The following NLGN3 variants were observed in gnomAD, a reference collection of about 807,000 sequenced individuals.
NLGN3 encodes neuroligin 3.
In NLGN3, 11 loss-of-function variants were observed where a neutral mutation model predicts 42.9. The ratio of observed to expected loss-of-function variants is 0.26; its 90% CI spans 0.16 to 0.42. The LOEUF (loss-of-function observed/expected upper bound fraction) is 0.42. Ranked by LOEUF, NLGN3 falls within the 10% of genes least tolerant of loss-of-function variation. The pLI is 1.00. For missense variants in NLGN3, 374 were observed against 733.8 expected (o/e 0.51, Z 5.67); for synonymous variants, 279 against 312.7 (o/e 0.89, Z 1.14).
chrX:71,158,760 T>C (rs1407726907), intron 5 of NLGN3, among the ~76,000 whole-genome samples: 1 of 111,337 alleles, frequency 9.0e-6, no homozygotes, highest in Non-Finnish European at 1.9e-5. Context: ...AGACTCGGCA[T>C]TTCACGTAGG....
At chrX:71,168,822 AAAG>A (rs1433536549) in intron 7 of NLGN3, among the ~76,000 whole-genome samples, 5 of 12,933 alleles carry the variant, frequency 3.9e-4, no homozygotes, top group East Asian at 2.4e-3. Flanking sequence ...GAGAAAAAAA[AAAG>A]AAAGAAAGAA....
chrX:71,171,592 T>TG (rs2092471456), downstream of NLGN3: 1 of 599,858 alleles, frequency 1.7e-6, no homozygotes, highest in Non-Finnish European at 2.0e-6. Context: ...CACCTTGGAC[T>TG]GGGGGCTGGG....
chrX:71,166,860 C>T (rs1019412401), intron 6 of NLGN3, 151 bp from the exon 7 acceptor site: 4 of 515,116 alleles, frequency 7.8e-6, no homozygotes, highest in African/African-American at 4.6e-5. Context: ...AGCAACCCCT[C>T]CTTTGGCCCT....
intron 3 of NLGN3, among the ~76,000 whole-genome samples, chrX:71,149,783 T>G (rs1234464539): frequency 2.5e-4 from 28 of 110,859 alleles, no homozygotes; most frequent in Non-Finnish European, 9.4e-5. Context: ...TTCTTTCCAC[T>G]GTAGCACACA....
chrX:71,157,496 G>C (rs770343712), intron 5 of NLGN3, among the ~76,000 whole-genome samples: 43 of 109,260 alleles, frequency 3.9e-4, no homozygotes, highest in Non-Finnish European at 7.6e-4. Context: ...GCTAATTTTT[G>C]TATTTTTAGT....
chrX:71,170,609 C>T lies in NLGN3; in HGVS notation c.*512C>T. On this transcript the variant is annotated 3_prime_UTR_variant, in exon 8 of 8. Transcript: ENST00000358741. ...AATTTTGGAACAAATGCTTTTCCAA[C>T]CCATGAGTGCTAAGAGCCTCTGGAA... 1 of 788,903 alleles carries T rather than the reference C, an allele frequency of 1.3e-6. No individual in the cohort carries two copies. The highest frequency in any genetic ancestry group is 1.5e-6 in the Non-Finnish European group (1 of 660,892). 65.0% of individuals were successfully genotyped at this position (788,903 alleles called of 1,213,427 possible).
intron 6 of NLGN3, among the ~76,000 whole-genome samples, chrX:71,165,429 G>A (rs1417743567): frequency 8.9e-6 from 1 of 111,980 alleles, no homozygotes; most frequent in Non-Finnish European, 1.9e-5. Context: ...TGCCTCCTCT[G>A]ACTGGGGACT....
intron 4 of NLGN3, 96 bp downstream of exon 4, chrX:71,153,632 G>T: frequency 2.4e-6 from 2 of 827,197 alleles, no homozygotes; most frequent in Admixed American, 5.2e-5. Context: ...CTGTCTGTCC[G>T]TTGGTGTGTT....
intron 7 of NLGN3, 60 bp downstream of exon 7, chrX:71,167,860 C>T (rs2092451931): frequency 2.0e-6 from 2 of 1,010,944 alleles, no homozygotes; most frequent in Non-Finnish European, 2.8e-6. Flanking sequence ...CCCCTCTGCT[C>T]CTCTAGCTAA....
chrX:71,158,645 A>C (rs2092418303), intron 5 of NLGN3, among the ~76,000 whole-genome samples: 1 of 111,487 alleles, frequency 9.0e-6, no homozygotes, highest in Non-Finnish European at 1.9e-5. Flanking sequence ...GAAAAGAGGG[A>C]GAGAAAGAGG....
At chrX:71,157,615 C>T (rs759449556) in intron 5 of NLGN3, among the ~76,000 whole-genome samples, 4 of 111,454 alleles carry the variant, frequency 3.6e-5, no homozygotes, top group East Asian at 2.8e-4. Flanking sequence ...TGAGCCACCA[C>T]GCCTGGCCCT....
chrX:71,164,124 T>C lies in NLGN3; in HGVS notation c.728-19T>C. On this transcript the variant is annotated intron_variant, in intron 5 of 7. Transcript: ENST00000358741. Reference sequence around the variant, plus strand: ...CATCCCTCTGCCTTCATTGTCTTCATGCCCTTTGTTGAATCCAGGTTTCCT... The same window carrying C: ...CATCCCTCTGCCTTCATTGTCTTCACGCCCTTTGTTGAATCCAGGTTTCCT... 1.7e-6 allele frequency: 2 copies of C among 1,209,782 alleles called. No individual in the cohort carries two copies. Among genetic ancestry groups the C allele is most frequent in the Non-Finnish European group, 2.2e-6 (2 of 893,342 alleles).
intron 7 of NLGN3, among the ~76,000 whole-genome samples, chrX:71,168,814 GA>G (rs200152352): frequency 0.29 from 11,637 of 40,172 alleles, 1,759 homozygotes; most frequent in African/African-American, 0.48. Flanking sequence ...GAAAGAAAGA[GA>G]AAAAAAAAAG....
intron 5 of NLGN3, among the ~76,000 whole-genome samples, chrX:71,158,057 CT>C (rs892525960): frequency 3.7e-5 from 4 of 107,969 alleles, no homozygotes; most frequent in Non-Finnish European, 5.8e-5. Flanking sequence ...TGCACACTTT[CT>C]TTTTTTAATT....
chrX:71,156,052 T>C (rs961909575), intron 5 of NLGN3, among the ~76,000 whole-genome samples: 2 of 109,266 alleles, frequency 1.8e-5, no homozygotes, highest in Non-Finnish European at 3.8e-5. Flanking sequence ...CTTCTCCCCA[T>C]GTCTCTGTAG....
chrX:71,146,661 T>C (rs1345111711), intron 1 of NLGN3, among the ~76,000 whole-genome samples: 1 of 111,455 alleles, frequency 9.0e-6, no homozygotes, highest in Non-Finnish European at 1.9e-5. Flanking sequence ...TATGAGGGGA[T>C]CTCTGTGGGT....
In NLGN3 at chrX:71,170,913, G is replaced by C. The variant is rs2092469529; in HGVS notation, c.*816G>C. On this transcript the variant is annotated 3_prime_UTR_variant, in exon 8 of 8. Coordinates refer to ENST00000358741, the MANE Select transcript of NLGN3 (RefSeq NM_181303.2). ...CAGACCAGGTGACCTTAGATTTGGTGAACAACGTACTATGGAAGCCACATC... is the reference window on the plus strand; with the variant it reads ...CAGACCAGGTGACCTTAGATTTGGTCAACAACGTACTATGGAAGCCACATC... 2 of 754,701 alleles carry C rather than the reference G, an allele frequency of 2.7e-6. No individual in the cohort carries two copies. Among genetic ancestry groups the C allele is most frequent in the Non-Finnish European group, 3.1e-6 (2 of 639,482 alleles). The allele number at this position is 754,701 out of a possible 1,213,427, so 62.2% of individuals were successfully genotyped here. A position where few individuals can be genotyped will look rare whatever the true frequency, so the allele number is the denominator to read the frequency against.
At chrX:71,152,505 C>T (rs1281771290) in intron 3 of NLGN3, among the ~76,000 whole-genome samples, 1 of 110,920 alleles carries the variant, frequency 9.0e-6, no homozygotes, top group African/African-American at 3.3e-5. Flanking sequence ...ACCTCTAGCA[C>T]TTCCTAGCTG....
intron 7 of NLGN3, among the ~76,000 whole-genome samples, chrX:71,168,204 T>C (rs1274477383): frequency 9.1e-6 from 1 of 110,247 alleles, no homozygotes; most frequent in Non-Finnish European, 1.9e-5. Flanking sequence ...TAGCCAGGCA[T>C]GGTAGTGCAT....
Sources: gnomAD v4.1 joint callset for allele counts (sites outside exome capture counted in the v4.1 genomes callset) on GRCh38, gnomAD v4.1.1 for gene constraint, MANE v1.5 for transcripts, NCBI Gene and HGNC (gene_info 2026-07-23, HGNC 2026-07-21) for gene names.